KIR3DL2: variants seen among roughly 807,000 people sequenced by gnomAD.
The protein encoded by KIR3DL2 is killer cell immunoglobulin like receptor, three Ig domains and long cytoplasmic tail 2.
Under a neutral mutation model 41.6 loss-of-function variants are expected in KIR3DL2, and 42 were observed. The observed-to-expected ratio is 1.01, with a 90% CI of 0.79 to 1.31. KIR3DL2 has a LOEUF of 1.31. Among genes scored for constraint, KIR3DL2 ranks in the 50% most tolerant of loss-of-function variants. The pLI is 0.00. For missense variants in KIR3DL2, 728 were observed against 576.8 expected (o/e 1.26, Z -2.68); for synonymous variants, 230 against 221.3 (o/e 1.04, Z -0.35).
At chr19:54,854,300 A>G (rs1283435173) in intron 4 of KIR3DL2, among the ~76,000 whole-genome samples, 1 of 151,816 alleles carries the variant, frequency 6.6e-6, no homozygotes, top group Non-Finnish European at 1.5e-5. Context: ...AGACACTCAG[A>G]CAGACAGACA....
intron 6 of KIR3DL2, among the ~76,000 whole-genome samples, chr19:54,862,215 G>C (rs1407520882): frequency 6.6e-6 from 1 of 152,096 alleles, no homozygotes; most frequent in African/African-American, 2.4e-5. Flanking sequence ...TTATTTCCTG[G>C]CTGTTTGACA....
intron 6 of KIR3DL2, among the ~76,000 whole-genome samples, chr19:54,861,281 C>A (rs1438672963): frequency 1.3e-5 from 2 of 151,812 alleles, no homozygotes; most frequent in Non-Finnish European, 2.9e-5. Flanking sequence ...ATTTCTCCTG[C>A]ATCTAAATCA....
Position 54,853,760 on chromosome 19 carries a change from A to G in KIR3DL2, c.369A>G (p.Lys123=), listed in dbSNP as rs1389102522. 20 of 1,610,372 alleles carry G rather than the reference A, an allele frequency of 1.2e-5. No homozygotes were observed. Among genetic ancestry groups the G allele is most frequent in the Non-Finnish European group, 1.6e-5 (19 of 1,178,000 alleles). Residue 123 remains lysine, a synonymous_variant, in exon 4 of 9, where the codon AAA becomes AAG. Coordinates refer to ENST00000326321, the MANE Select transcript of KIR3DL2 (RefSeq NM_006737.4). ...LVIMVTGNHR[K]PSLLAHPGPL... is the part of the protein sequence containing the mutation. Reference sequence around the variant, plus strand: ...TTCTCTTTCTAGGAAACCACAGAAAACCTTCCCTCCTGGCCCACCCAGGGC... The same window carrying G: ...TTCTCTTTCTAGGAAACCACAGAAAGCCTTCCCTCCTGGCCCACCCAGGGC...
chr19:54,866,375 G>A lies in KIR3DL2; in HGVS notation c.1111G>A (p.Ala371Thr). The change falls in exon 8 of 9, where the codon GCT becomes ACT. Residue 371 changes from alanine to threonine, a missense_variant. Physicochemically the swap from Ala to Thr is moderately conservative, Grantham distance 58. Coordinates refer to ENST00000326321, the MANE Select transcript of KIR3DL2 (RefSeq NM_006737.4). ...YRWCSNKKNA[A>T]VMDQEPAGDR... is the part of the protein sequence containing the mutation. ...ATGACTTCCGTCTCCTACAGATGCT[G>A]CTGTAATGGACCAAGAGCCTGCGGG... 1 of 1,613,938 alleles carries A rather than the reference G, an allele frequency of 6.2e-7. No homozygotes were observed. Among genetic ancestry groups the A allele is most frequent in the African/African-American group, 1.3e-5 (1 of 75,000 alleles).
chr19:54,852,454 G>A (rs2064358792), intron 3 of KIR3DL2, among the ~76,000 whole-genome samples, 172 bp downstream of exon 3: 1 of 151,458 alleles, frequency 6.6e-6, no homozygotes, highest in Non-Finnish European at 1.5e-5. Context: ...TGTCGCCAAT[G>A]ATGGCTACAT....
intron 6 of KIR3DL2, among the ~76,000 whole-genome samples, chr19:54,864,484 C>T (rs1848511800): frequency 1.3e-5 from 2 of 152,048 alleles, no homozygotes; most frequent in African/African-American, 4.8e-5. Flanking sequence ...TCTTCCTACC[C>T]ATGAGCATGG....
At chr19:54,860,262 T>A (rs2065078327) in intron 6 of KIR3DL2, among the ~76,000 whole-genome samples, 1 of 152,132 alleles carries the variant, frequency 6.6e-6, no homozygotes, top group Non-Finnish European at 1.5e-5. Context: ...CTTGGGACAC[T>A]GATCTTGCAG....
intron 6 of KIR3DL2, among the ~76,000 whole-genome samples, chr19:54,859,424 G>A (rs896662119): frequency 2.0e-5 from 3 of 152,094 alleles, no homozygotes; most frequent in African/African-American, 7.2e-5. Context: ...TTCCTAACTG[G>A]AGGATAAATT....
At chr19:54,853,225 G>T (rs1335688849) in intron 3 of KIR3DL2, among the ~76,000 whole-genome samples, 1 of 151,710 alleles carries the variant, frequency 6.6e-6, no homozygotes, top group African/African-American at 2.4e-5. Context: ...ATAGGAAGGG[G>T]TTGATGCTCC....
chr19:54,863,933 T>A (rs974079660), intron 6 of KIR3DL2, among the ~76,000 whole-genome samples: 10 of 152,156 alleles, frequency 6.6e-5, no homozygotes, highest in African/African-American at 2.4e-4. Flanking sequence ...TCCTTGTCCA[T>A]GCCTATGTCC....
intron 6 of KIR3DL2, among the ~76,000 whole-genome samples, chr19:54,864,854 T>C (rs2065398843): frequency 6.6e-6 from 1 of 151,898 alleles, no homozygotes; most frequent in Non-Finnish European, 1.5e-5. Context: ...TTTATTTCCT[T>C]CTCCTGCCTA....
At chr19:54,853,319 T>C (rs1399923783) in intron 3 of KIR3DL2, among the ~76,000 whole-genome samples, 2 of 151,530 alleles carry the variant, frequency 1.3e-5, no homozygotes, top group Non-Finnish European at 2.9e-5. Flanking sequence ...CCAATCCCCA[T>C]CAGGAACAGG....
At chr19:54,865,321 G>T (rs2065428324) in intron 6 of KIR3DL2, among the ~76,000 whole-genome samples, 1 of 152,008 alleles carries the variant, frequency 6.6e-6, no homozygotes, top group Non-Finnish European at 1.5e-5. Flanking sequence ...TCTGGCAGAA[G>T]GGAAGGAGGG....
chr19:54,852,912 A>C (rs2064406406), intron 3 of KIR3DL2, among the ~76,000 whole-genome samples: 1 of 151,268 alleles, frequency 6.6e-6, no homozygotes, highest in Non-Finnish European at 1.5e-5. Context: ...CAGCAACAGG[A>C]AACCGACACA....
chr19:54,851,041 G>T (rs1451018088), intron 1 of KIR3DL2, among the ~76,000 whole-genome samples, 179 bp from the exon 2 acceptor site: 1 of 142,592 alleles, frequency 7.0e-6, no homozygotes, highest in Non-Finnish European at 1.6e-5. Flanking sequence ...GTTGATCTGG[G>T]CCTGGAGCCT....
chr19:54,850,571 A>AAGATATGGGCCTGGAGTGG, intron 1 of KIR3DL2, 62 bp downstream of exon 1: 8 of 1,574,554 alleles, frequency 5.1e-6, no homozygotes, highest in Non-Finnish European at 6.0e-6. Flanking sequence ...CCTAGAGGTA[A>AAGATATGGGCCTGGAGTGG]AGATATGGGC....
intron 6 of KIR3DL2, among the ~76,000 whole-genome samples, chr19:54,865,055 T>C (rs927798239): frequency 6.6e-6 from 1 of 151,586 alleles, no homozygotes; most frequent in African/African-American, 2.4e-5. Context: ...TTATTGAGAG[T>C]TTTTAGCATG....
In KIR3DL2 at chr19:54,862,802, CTTTTTTT is replaced by C. The variant is rs1210198153; in HGVS notation, c.1001-2987_1001-2981del. ...AAGAACACTTGAGCCTGGGTTACTT[CTTTTTTT>C]TTTTTTTTTTTTTTTGTATAGTGCT... On this transcript the variant is annotated intron_variant, in intron 6 of 8. Coordinates refer to ENST00000326321, the MANE Select transcript of KIR3DL2 (RefSeq NM_006737.4). Among the ~76,000 whole-genome samples the C allele has an allele frequency of 1.6e-3, 131 of 79,784 alleles. 2 individuals are homozygous for C. The highest frequency in any genetic ancestry group is 6.4e-3 in the African/African-American group (126 of 19,778). The allele number at this position is 79,784 out of a possible 152,430, so 52.3% of individuals were successfully genotyped here. A position where few individuals can be genotyped will look rare whatever the true frequency, so the allele number is the denominator to read the frequency against.
At chr19:54,856,535 T>A (rs1422231587) in intron 5 of KIR3DL2, among the ~76,000 whole-genome samples, 5 of 151,230 alleles carry the variant, frequency 3.3e-5, no homozygotes, top group Non-Finnish European at 7.4e-5. Context: ...ACAAGAAAAA[T>A]TAGCCAAGCA....
Sources: allele counts gnomAD v4.1 joint callset (sites outside exome capture counted in the v4.1 genomes callset), GRCh38; gene constraint gnomAD v4.1.1; transcripts MANE v1.5; gene names NCBI Gene and HGNC (gene_info 2026-07-23, HGNC 2026-07-21).